The following THOP1 variants were observed in gnomAD, a reference collection of about 807,000 sequenced individuals.
The protein encoded by THOP1 is thimet oligopeptidase.
A neutral mutation model predicts 71.8 loss-of-function variants in THOP1; 49 were observed. The ratio of observed to expected loss-of-function variants is 0.68; its 90% CI spans 0.54 to 0.87. The LOEUF (loss-of-function observed/expected upper bound fraction) is 0.87, where lower values mean the gene tolerates loss of function less well. THOP1 is among the 40% of genes least tolerant of loss of function. THOP1 has a pLI of 0.00. For synonymous variants in THOP1, 426 were observed against 421.5 expected (o/e 1.01, Z -0.13); for missense variants, 843 against 975.6 (o/e 0.86, Z 1.81).
chr19:2,796,637 G>T (rs1250434677), intron 4 of THOP1, among the ~76,000 whole-genome samples: 1 of 147,716 alleles, frequency 6.8e-6, no homozygotes, highest in Non-Finnish European at 1.5e-5. Flanking sequence ...CCTGGGGAGT[G>T]CTCAGTTGCG....
At chr19:2,810,209 G>T in intron 9 of THOP1, 95 bp from the exon 10 acceptor site, 1 of 1,447,508 alleles carries the variant, frequency 6.9e-7, no homozygotes, top group South Asian at 1.3e-5. Context: ...CTGTGCACTC[G>T]CCCTGTTTGC....
chr19:2,807,832 G>C, intron 8 of THOP1, 24 bp downstream of exon 8: 1 of 1,445,346 alleles, frequency 6.9e-7, no homozygotes, highest in East Asian at 2.5e-5. Context: ...GCGGGGGCGG[G>C]GGGCGCACCC....
intron 4 of THOP1, among the ~76,000 whole-genome samples, chr19:2,796,613 G>A (rs1195909135): frequency 2.7e-5 from 4 of 146,146 alleles, no homozygotes; most frequent in African/African-American, 5.1e-5. Flanking sequence ...TACTGGGCAC[G>A]GGGAGTGCTC....
chr19:2,805,199 C>A lies in THOP1; in HGVS notation c.750+23C>A. 1 of 1,600,952 alleles carries A rather than the reference C, an allele frequency of 6.2e-7. No individual in the cohort carries two copies. Among genetic ancestry groups the A allele is most frequent in the Non-Finnish European group, 8.5e-7 (1 of 1,173,982 alleles). ...GAGGTGAGAAGGCACGGCCAGGGGGCCCCAGAACAGTGGGTCTGGAGCTTG... is the reference window on the plus strand; with the variant it reads ...GAGGTGAGAAGGCACGGCCAGGGGGACCCAGAACAGTGGGTCTGGAGCTTG... On this transcript the variant is annotated intron_variant, in intron 6 of 12. Coordinates refer to ENST00000307741, the MANE Select transcript of THOP1 (RefSeq NM_003249.5). The surrounding 1 kb of genome is among the most constrained non-coding windows in gnomAD (Gnocchi z 6.6).
chr19:2,808,578 C>T, intron 9 of THOP1, 134 bp downstream of exon 9: 3 of 1,033,622 alleles, frequency 2.9e-6, no homozygotes, highest in South Asian at 3.4e-5. Flanking sequence ...TCCAATGCCA[C>T]CCAAAGATGG....
At chr19:2,806,752 G>T in intron 6 of THOP1, 165 bp from the exon 7 acceptor site, 1 of 1,205,922 alleles carries the variant, frequency 8.3e-7, no homozygotes, top group South Asian at 1.4e-5. Flanking sequence ...TGATAACGCT[G>T]GTGGCATGAC....
At chr19:2,786,331 G>A (rs755800618) in intron 1 of THOP1, among the ~76,000 whole-genome samples, 3 of 151,956 alleles carry the variant, frequency 2.0e-5, no homozygotes, top group African/African-American at 4.8e-5. Flanking sequence ...CTGCAGCCTC[G>A]AACTCTTGGA....
At chr19:2,795,946 T>C in intron 3 of THOP1, 135 bp from the exon 4 acceptor site, 1 of 632,716 alleles carries the variant, frequency 1.6e-6, no homozygotes, top group Admixed American at 2.7e-5. Flanking sequence ...GTCATTTCTC[T>C]GAGATAAATG....
intron 9 of THOP1, 110 bp from the exon 10 acceptor site, chr19:2,810,194 A>C: frequency 1.3e-5 from 18 of 1,338,152 alleles, no homozygotes; most frequent in African/African-American, 2.9e-5. Flanking sequence ...GGCCCAGCGC[A>C]TCACCTGTGC....
intron 12 of THOP1, 135 bp downstream of exon 12, chr19:2,811,869 C>T (rs1335605028): frequency 6.1e-6 from 8 of 1,305,022 alleles, no homozygotes; most frequent in East Asian, 3.6e-5. Context: ...GCAAGGTACG[C>T]GGGGACTGGG....
rs1916251271 is a variant in THOP1 at position 2,804,884 on chromosome 19, G to T, written c.590-132G>T. The T allele has an allele frequency of 7.0e-6, 6 of 859,128 alleles. No individual in the cohort carries two copies. The highest frequency in any genetic ancestry group is 1.0e-5 in the Non-Finnish European group (6 of 577,680). The allele number at this position is 859,128 out of a possible 1,614,324, so 53.2% of individuals were successfully genotyped here. Reference sequence around the variant, plus strand: ...AAGAATTGCAGCGGGTGGTGGCCAGGCTGCAGCTGCTCGCTGAGGGCCCCC... The same window carrying T: ...AAGAATTGCAGCGGGTGGTGGCCAGTCTGCAGCTGCTCGCTGAGGGCCCCC... On this transcript the variant is annotated intron_variant, in intron 5 of 12. Coordinates refer to ENST00000307741, the MANE Select transcript of THOP1 (RefSeq NM_003249.5). This position sits in a 1 kb window ranked among gnomAD's most constrained non-coding sequence, Gnocchi z 4.7.
chr19:2,789,151 G>C (rs911441153), intron 1 of THOP1, among the ~76,000 whole-genome samples: 3 of 152,204 alleles, frequency 2.0e-5, no homozygotes, highest in African/African-American at 7.2e-5. Context: ...GAAAATCCTT[G>C]GCCCTTTGCA....
chr19:2,786,565 G>A (rs1915747431), intron 1 of THOP1, among the ~76,000 whole-genome samples: 1 of 151,824 alleles, frequency 6.6e-6, no homozygotes, highest in African/African-American at 2.4e-5. Flanking sequence ...GAGGCAAAGG[G>A]GCGATGTGAC....
rs1036626318 is a variant in THOP1 at position 2,792,945 on chromosome 19, G to A, written c.230-1819G>A. 4.1e-4 allele frequency among the ~76,000 whole-genome samples: 63 copies of A among 152,256 alleles called. 1 individual carries two copies. The highest frequency in any genetic ancestry group is 1.4e-3 in the African/African-American group (59 of 41,514). On this transcript the variant is annotated intron_variant, in intron 2 of 12. Transcript: ENST00000307741. ...CATCCCAGCACTTTGGGAGGCCGAG[G>A]TGGGCGGATGACTTGAGGTCAGGAG...
intron 8 of THOP1, 186 bp from the exon 9 acceptor site, chr19:2,808,057 C>A (rs1916354454): frequency 2.6e-6 from 2 of 771,680 alleles, no homozygotes; most frequent in African/African-American, 1.8e-5. Flanking sequence ...GGAGGGATGG[C>A]AGCCGGGGCC....
At chr19:2,785,767 G>A in intron 1 of THOP1, 89 bp downstream of exon 1, 2 of 1,239,482 alleles carry the variant, frequency 1.6e-6, no homozygotes, top group South Asian at 3.0e-5. Flanking sequence ...CTGGAGCGAA[G>A]CGACCCCCGA....
chr19:2,798,895 G>A (rs1472161806), intron 4 of THOP1, among the ~76,000 whole-genome samples: 1 of 152,228 alleles, frequency 6.6e-6, no homozygotes, highest in Non-Finnish European at 1.5e-5. Flanking sequence ...CCAGGTCCTT[G>A]TCACATAGTG....
chr19:2,810,663 G>A lies in THOP1; in HGVS notation c.1666G>A (p.Val556Ile), dbSNP rs563787762. The A allele has an allele frequency of 1.5e-4, 240 of 1,558,940 alleles. 5 individuals carry two copies. The South Asian group carries it at 2.7e-3, about 18-fold the overall frequency. The change falls in exon 11 of 13, where the codon GTC becomes ATC. Residue 556 changes from valine (V) to isoleucine (I), a missense_variant. By Grantham distance (29) the Val-to-Ile change is conservative. Transcript: ENST00000307741. ...AGGCCTCTTCAACCTGCGCCAGATC[G>A]TCCTCGCCAAGGTGGACCAGGCCCT... ...NTGLFNLRQI[V>I]LAKVDQALHT...
At chr19:2,811,558 TG>T in intron 11 of THOP1, 39 bp from the exon 12 acceptor site, 1 of 1,583,592 alleles carries the variant, frequency 6.3e-7, no homozygotes. Flanking sequence ...GAGCATGGGG[TG>T]GGGGCTACAG....
Sources: allele counts gnomAD v4.1 joint callset (sites outside exome capture counted in the v4.1 genomes callset), GRCh38; gene constraint gnomAD v4.1.1; non-coding constraint Gnocchi (gnomAD v3.1); transcripts MANE v1.5; gene names NCBI Gene and HGNC (gene_info 2026-07-23, HGNC 2026-07-21).